Variants in ESRRG observed in about 807,000 individuals in gnomAD.
The protein encoded by ESRRG is estrogen-related receptor gamma.
ESRRG carries 13 observed loss-of-function variants against 44.0 expected under a neutral mutation model. That is an observed-to-expected ratio of 0.30 (90% CI 0.19 to 0.47). ESRRG has a LOEUF of 0.47. ESRRG is among the 20% of genes least tolerant of loss of function. The pLI, the probability that ESRRG is intolerant of heterozygous loss-of-function variation, is 1.00. For synonymous variants in ESRRG, 215 were observed against 214.6 expected, an observed-to-expected ratio of 1.00 and a Z score of -0.02; for missense variants, 395 against 580.6, an observed-to-expected ratio of 0.68 and a Z score of 3.29.
At chr1:216,664,761 C>T (rs1410894221) in intron 2 of ESRRG, among the ~76,000 whole-genome samples, 4 of 151,124 alleles carry the variant, frequency 2.6e-5, no homozygotes, top group Non-Finnish European at 5.9e-5. Flanking sequence ...CACTTGTGCT[C>T]TGTTGATGGT....
intron 2 of ESRRG, among the ~76,000 whole-genome samples, chr1:216,728,800 A>G (rs528701036): frequency 1.3e-5 from 2 of 152,240 alleles, no homozygotes; most frequent in Non-Finnish European, 2.9e-5. Flanking sequence ...ACTAGTAAAA[A>G]AAAAAAAAGT....
In ESRRG at chr1:217,133,657, T is replaced by C. The variant is rs947217340; in HGVS notation, c.-230+4010A>G. Among the ~76,000 whole-genome samples the C allele has an allele frequency of 5.5e-3, 325 of 58,968 alleles. 2 individuals are homozygous for C. Among genetic ancestry groups the C allele is most frequent in the African/African-American group, 0.02 (267 of 13,050 alleles). The allele number at this position is 58,968 out of a possible 152,430, so 38.7% of individuals were successfully genotyped here. ...TCTCTCTCTCTCTCTCTTTCTTTCT[T>C]TCTTTCTTTCTTTCTTTCTTTCTTT... is the stretch of plus-strand genomic sequence containing the variant. On this transcript the variant is annotated intron_variant, in intron 1 of 8. Transcript: ENST00000366940.
At chr1:216,942,182 T>C (rs1184120843) in intron 1 of ESRRG, among the ~76,000 whole-genome samples, 1 of 152,204 alleles carries the variant, frequency 6.6e-6, no homozygotes, top group African/African-American at 2.4e-5. Flanking sequence ...TTTCTGTTTC[T>C]GTGTTAATTC....
chr1:216,964,281 G>A (rs2069762236), intron 1 of ESRRG, among the ~76,000 whole-genome samples: 1 of 152,152 alleles, frequency 6.6e-6, no homozygotes, highest in Admixed American at 6.5e-5. Context: ...TGTAAAAACT[G>A]CATGTGGAAG....
At chr1:216,691,175 G>A (rs1040066899) in intron 1 of ESRRG, among the ~76,000 whole-genome samples, 9 of 152,138 alleles carry the variant, frequency 5.9e-5, no homozygotes, top group African/African-American at 2.2e-4. Context: ...CAATAAGGAA[G>A]TAGATGCTAT....
chr1:217,029,536 C>T (rs144825344), intron 1 of ESRRG, among the ~76,000 whole-genome samples: 13 of 152,202 alleles, frequency 8.5e-5, no homozygotes, highest in African/African-American at 2.2e-4. Flanking sequence ...TAATATGTTG[C>T]GAAACGCATT....
chr1:216,560,700 G>GA (rs1169795079), intron 5 of ESRRG, among the ~76,000 whole-genome samples: 1 of 152,068 alleles, frequency 6.6e-6, no homozygotes, highest in African/African-American at 2.4e-5. Flanking sequence ...CAACCCATTC[G>GA]AAAAAAGGCC....
At chr1:216,517,741 A>G (rs1297844498) in intron 6 of ESRRG, among the ~76,000 whole-genome samples, 1 of 152,094 alleles carries the variant, frequency 6.6e-6, no homozygotes, top group East Asian at 1.9e-4. Context: ...GATCTTCTGG[A>G]GAGGGAGGGC....
At chr1:216,794,775 A>G (rs759729210) in intron 2 of ESRRG, among the ~76,000 whole-genome samples, 1 of 152,216 alleles carries the variant, frequency 6.6e-6, no homozygotes, top group Non-Finnish European at 1.5e-5. Context: ...TACCAAAGGG[A>G]AGTTCAAGTT....
intron 2 of ESRRG, among the ~76,000 whole-genome samples, chr1:216,854,541 C>A (rs1360417923): frequency 3.3e-5 from 5 of 151,992 alleles, no homozygotes; most frequent in Non-Finnish European, 7.4e-5. Context: ...TCAACAGGAA[C>A]TGATAAATTT....
intron 2 of ESRRG, among the ~76,000 whole-genome samples, chr1:216,795,850 A>G (rs916051478): frequency 1.3e-5 from 2 of 152,168 alleles, no homozygotes; most frequent in Admixed American, 6.5e-5. Context: ...AACCCGAACC[A>G]TGGTATATGA....
intron 1 of ESRRG, among the ~76,000 whole-genome samples, chr1:216,978,999 C>A (rs1346544037): frequency 6.6e-6 from 1 of 152,166 alleles, no homozygotes; most frequent in African/African-American, 2.4e-5. Flanking sequence ...TTAATCTAAA[C>A]AGTTATCCAG....
rs185029121 is a variant in ESRRG, at chr1:216,655,370, G to T, written c.473-4281C>A. On this transcript the variant is annotated intron_variant, in intron 2 of 6. Coordinates refer to ENST00000408911, the MANE Select transcript of ESRRG (RefSeq NM_001438.4). Reference sequence around the variant, plus strand: ...TTCAGGATGCAGTACTGGCGTACTGGCAAGTACATACATTCCCACAAACAC... The same window carrying T: ...TTCAGGATGCAGTACTGGCGTACTGTCAAGTACATACATTCCCACAAACAC... Among the ~76,000 whole-genome samples, 53 of 152,250 alleles carry T rather than the reference G, an allele frequency of 3.5e-4. No individual in the cohort carries two copies. The East Asian group carries it at 6.0e-3, about 17-fold the overall frequency.
At chr1:216,900,179 T>C (rs962967779) in intron 2 of ESRRG, among the ~76,000 whole-genome samples, 2 of 152,186 alleles carry the variant, frequency 1.3e-5, no homozygotes, top group Non-Finnish European at 2.9e-5. Flanking sequence ...ATCCCATAAA[T>C]AAGTGTTTGT....
chr1:217,035,504 A>G (rs1356001321), intron 1 of ESRRG, among the ~76,000 whole-genome samples: 1 of 152,060 alleles, frequency 6.6e-6, no homozygotes, highest in Non-Finnish European at 1.5e-5. Flanking sequence ...AATTTCAGAC[A>G]GTTTTCTCCC....
chr1:216,567,975 C>T lies in ESRRG; in HGVS notation c.700+13G>A. The T allele has an allele frequency of 6.4e-7, 1 of 1,570,398 alleles. No homozygotes were observed. Among genetic ancestry groups the T allele is most frequent in the Non-Finnish European group, 8.8e-7 (1 of 1,140,256 alleles). Reference sequence around the variant, plus strand: ...TCGTGTTCTGGGAAGCCAGACACATCTGCTGTACTTACATGGCTTTTTGGC... The same window carrying T: ...TCGTGTTCTGGGAAGCCAGACACATTTGCTGTACTTACATGGCTTTTTGGC... On this transcript the variant is annotated intron_variant, in intron 4 of 6. Transcript: ENST00000408911.
At chr1:216,830,447 C>T (rs2148730791) in intron 2 of ESRRG, among the ~76,000 whole-genome samples, 1 of 152,236 alleles carries the variant, frequency 6.6e-6, no homozygotes, top group Non-Finnish European at 1.5e-5. Context: ...CAAGTGGGTT[C>T]AAAAAGGAAT....
At chr1:216,995,339 T>C (rs1466421244) in intron 1 of ESRRG, among the ~76,000 whole-genome samples, 1 of 152,198 alleles carries the variant, frequency 6.6e-6, no homozygotes. Context: ...CCTCCATTCA[T>C]TCTCCATGAT....
chr1:216,933,800 C>G (rs1054967108), intron 2 of ESRRG, among the ~76,000 whole-genome samples: 3 of 152,122 alleles, frequency 2.0e-5, no homozygotes, highest in African/African-American at 7.2e-5. Context: ...TGGTGCATCA[C>G]TGAACTCTCT....
Sources: allele counts gnomAD v4.1 joint callset (sites outside exome capture counted in the v4.1 genomes callset), GRCh38; gene constraint gnomAD v4.1.1; transcripts MANE v1.5; gene names NCBI Gene and HGNC (gene_info 2026-07-23, HGNC 2026-07-21).